Variants in FBH1 observed in about 807,000 individuals in gnomAD.
FBH1 encodes the protein F-box DNA helicase 1.
Under a neutral mutation model 115.5 loss-of-function variants are expected in FBH1, and 43 were observed. That is an observed-to-expected ratio of 0.37 (90% CI 0.29 to 0.48). The LOEUF (loss-of-function observed/expected upper bound fraction) is 0.48, where lower values mean the gene tolerates loss of function less well. FBH1 is among the 20% of genes least tolerant of loss of function. The pLI, the probability that FBH1 is intolerant of heterozygous loss-of-function variation, is 0.99. For synonymous variants in FBH1, 524 were observed against 507.8 expected, an observed-to-expected ratio of 1.03 and a Z score of -0.43; for missense variants, 1,001 against 1,337.3, an observed-to-expected ratio of 0.75 and a Z score of 3.92.
rs1280495362 is a variant in FBH1 at position 5,897,546 on chromosome 10, G to A, written c.2-5474G>A. ...TATATCCAATAAGTCCAAGGGGTGG[G>A]GAATCCAATAAAAGTGTTAATAAAA... On this transcript the variant is annotated intron_variant, in intron 1 of 20. Coordinates refer to ENST00000362091, the MANE Select transcript of FBH1 (RefSeq NM_178150.3). The surrounding 1 kb of genome is among the most constrained non-coding windows in gnomAD (Gnocchi z 4.7). 6.6e-6 allele frequency among the ~76,000 whole-genome samples: 1 copy of A among 152,068 alleles called. No individual in the cohort carries two copies. The highest frequency in any genetic ancestry group is 1.5e-5 in the Non-Finnish European group (1 of 68,004).
intron 18 of FBH1, among the ~76,000 whole-genome samples, chr10:5,926,340 C>A (rs188162961): frequency 5.3e-5 from 8 of 152,138 alleles, no homozygotes; most frequent in Non-Finnish European, 1.2e-4. Flanking sequence ...TCTCGAACTC[C>A]TGACTTCAGG....
In FBH1 at chr10:5,923,765, G is replaced by A; in HGVS notation, c.2398+69G>A. Reference sequence around the variant, plus strand: ...AGTGACAGGGACGAGAAAGAAGCAGGCCCAGTCTGAGTCAGGGACCCGTTT... The same window carrying A: ...AGTGACAGGGACGAGAAAGAAGCAGACCCAGTCTGAGTCAGGGACCCGTTT... On this transcript the variant is annotated intron_variant, in intron 16 of 20. Transcript: ENST00000362091. This position sits in a 1 kb window ranked among gnomAD's most constrained non-coding sequence, Gnocchi z 5.7. 2.8e-6 allele frequency: 4 copies of A among 1,432,668 alleles called. No individual in the cohort carries two copies. The highest frequency in any genetic ancestry group is 9.8e-7 in the Non-Finnish European group (1 of 1,024,590). 88.7% of individuals were successfully genotyped at this position (1,432,668 alleles called of 1,614,324 possible). A position where few individuals can be genotyped will look rare whatever the true frequency, so the allele number is the denominator to read the frequency against.
chr10:5,919,892 T>C (rs914819891), intron 13 of FBH1, among the ~76,000 whole-genome samples: 6 of 152,264 alleles, frequency 3.9e-5, no homozygotes, highest in African/African-American at 1.4e-4. Context: ...CCATATATCC[T>C]GTACTCAGTT....
At chr10:5,899,327 T>TTA (rs1282484068) in intron 1 of FBH1, among the ~76,000 whole-genome samples, 1 of 152,328 alleles carries the variant, frequency 6.6e-6, no homozygotes, top group African/African-American at 2.4e-5. Flanking sequence ...TTGTTTTGTT[T>TTA]TGTTTTTTTC....
rs1190894053 is a variant in FBH1, at chr10:5,906,505, T to A, written c.626T>A (p.Leu209Gln). ...GGGACCTTGCCCTGCCAGGAAGCACTGAGCCACATTTGCAGCCTGCCTAGT... is the reference window on the plus strand; with the variant it reads ...GGGACCTTGCCCTGCCAGGAAGCACAGAGCCACATTTGCAGCCTGCCTAGT... ...LLGTLPCQEALSHICSLPSEV... is the reference protein window; with the variant it reads ...LLGTLPCQEAQSHICSLPSEV... Residue 209 changes from leucine (L) to glutamine (Q), a missense_variant, in exon 3 of 21, where the codon CTG becomes CAG. Leu to Gln is a moderately radical substitution (Grantham distance 113). Coordinates refer to ENST00000362091, the MANE Select transcript of FBH1 (RefSeq NM_178150.3). The surrounding 1 kb of genome is among the most constrained non-coding windows in gnomAD (Gnocchi z 7.3). 1.2e-6 allele frequency: 2 copies of A among 1,614,144 alleles called. No individual in the cohort carries two copies. The highest frequency in any genetic ancestry group is 3.3e-5 in the Admixed American group (2 of 60,018).
At chr10:5,894,857 C>G (rs1842920333) in intron 1 of FBH1, among the ~76,000 whole-genome samples, 1 of 152,176 alleles carries the variant, frequency 6.6e-6, no homozygotes, top group Admixed American at 6.5e-5. Flanking sequence ...ATATGTAATA[C>G]AGTGCAATTA....
chr10:5,936,742 G>C lies in FBH1; in HGVS notation c.2961+155G>C. ...GAGAGGCACAAGAGGTGTGTGGTCT[G>C]TCCCAGGGTCAGAGGTCAGGGCACG... On this transcript the variant is annotated intron_variant, in intron 20 of 20. Transcript: ENST00000362091. This position sits in a 1 kb window ranked among gnomAD's most constrained non-coding sequence, Gnocchi z 5.6. The C allele has an allele frequency of 1.0e-6, 1 of 998,542 alleles. No individual in the cohort carries two copies. Among genetic ancestry groups the C allele is most frequent in the Non-Finnish European group, 1.5e-6 (1 of 687,040 alleles). The allele number at this position is 998,542 out of a possible 1,614,324, so 61.9% of individuals were successfully genotyped here.
rs766395662 is a variant in FBH1, at chr10:5,915,420, A to G, written c.1414A>G (p.Thr472Ala). The change falls in exon 9 of 21, where the codon ACG (threonine) becomes GCG (alanine). Residue 472 changes from threonine (T) to alanine (A), a missense_variant. Coordinates refer to ENST00000362091, the MANE Select transcript of FBH1 (RefSeq NM_178150.3). The surrounding 1 kb of genome is among the most constrained non-coding windows in gnomAD (Gnocchi z 5.2). ...TTCCCCAGGCACTGGGAAGACCTCA[A>G]CGCTGGTCAAGTATGCAGAGAAGTG... is the stretch of plus-strand genomic sequence containing the variant. ...MAFAGTGKTS[T>A]LVKYAEKWSQ... 3 of 1,614,084 alleles carry G rather than the reference A, an allele frequency of 1.9e-6. No individual in the cohort carries two copies. Among genetic ancestry groups the G allele is most frequent in the Admixed American group, 1.7e-5 (1 of 60,010 alleles).
Position 5,906,393 on chromosome 10 carries a change from C to A in FBH1, c.514C>A (p.Arg172=), listed in dbSNP as rs143001244. 1 of 1,613,950 alleles carries A rather than the reference C, an allele frequency of 6.2e-7. No individual in the cohort carries two copies. Among genetic ancestry groups the A allele is most frequent in the South Asian group, 1.1e-5 (1 of 91,086 alleles). Reference sequence around the variant, plus strand: ...GCAAGAAGCAGAGGACAGTACGTCTCGGCTCTCTGCGGAGTCTGGTGAAAC... The same window carrying A: ...GCAAGAAGCAGAGGACAGTACGTCTAGGCTCTCTGCGGAGTCTGGTGAAAC... ...ARQEAEDSTS[R]LSAESGETDQ... is the part of the protein sequence containing the mutation. Residue 172 remains arginine, a synonymous_variant, in exon 3 of 21, where the codon CGG becomes AGG. Coordinates refer to ENST00000362091, the MANE Select transcript of FBH1 (RefSeq NM_178150.3). This position sits in a 1 kb window ranked among gnomAD's most constrained non-coding sequence, Gnocchi z 7.3.
Position 5,913,331 on chromosome 10 carries a change from C to T in FBH1, c.1212-416C>T, listed in dbSNP as rs571150657. Among the ~76,000 whole-genome samples, 186 of 140,324 alleles carry T rather than the reference C, an allele frequency of 1.3e-3. 1 individual carries two copies. Among genetic ancestry groups the T allele is most frequent in the Non-Finnish European group, 2.3e-3 (144 of 63,700 alleles). The allele number at this position is 140,324 out of a possible 152,430, so 92.1% of individuals were successfully genotyped here. On this transcript the variant is annotated intron_variant, in intron 6 of 20. Coordinates refer to ENST00000362091, the MANE Select transcript of FBH1 (RefSeq NM_178150.3). This position sits in a 1 kb window ranked among gnomAD's most constrained non-coding sequence, Gnocchi z 4.4. ...CATAAGAGGTAGACAGTGGAGCGAC[C>T]GAGGCTCAGAAAGAGGCTGGTGTTT...
chr10:5,890,425 C>T (rs1355954985), intron 1 of FBH1, 79 bp downstream of exon 1: 2 of 343,652 alleles, frequency 5.8e-6, no homozygotes, highest in East Asian at 4.5e-5. Flanking sequence ...GGGTCCTGCG[C>T]GGGGGGTCCG....
intron 1 of FBH1, among the ~76,000 whole-genome samples, chr10:5,899,065 G>A (rs1843178081): frequency 6.6e-6 from 1 of 152,144 alleles, no homozygotes; most frequent in Non-Finnish European, 1.5e-5. Flanking sequence ...ATACAAATCT[G>A]CCAGCCTCTG....
rs759017659 is a variant in FBH1 at position 5,924,185 on chromosome 10, C to T, written c.2399-126C>T. The T allele has an allele frequency of 9.3e-6, 8 of 861,946 alleles. No individual in the cohort carries two copies. Among genetic ancestry groups the T allele is most frequent in the Non-Finnish European group, 1.5e-5 (8 of 549,654 alleles). 53.4% of individuals were successfully genotyped at this position (861,946 alleles called of 1,614,324 possible). A position where few individuals can be genotyped will look rare whatever the true frequency, so the allele number is the denominator to read the frequency against. ...CAGCGAGTTAGTGATGCAGTCAGGC[C>T]TGGAACCCGGGTCTCCCCACTTTAA... On this transcript the variant is annotated intron_variant, in intron 16 of 20. Coordinates refer to ENST00000362091, the MANE Select transcript of FBH1 (RefSeq NM_178150.3). The surrounding 1 kb of genome is among the most constrained non-coding windows in gnomAD (Gnocchi z 6.2).
Position 5,927,347 on chromosome 10 carries a change from G to T in FBH1, c.2723-88G>T. 2.8e-5 allele frequency: 25 copies of T among 899,470 alleles called. No individual in the cohort carries two copies. In the South Asian group the frequency reaches 3.3e-4, roughly 12 times the overall value. The allele number at this position is 899,470 out of a possible 1,614,324, so 55.7% of individuals were successfully genotyped here. A position where few individuals can be genotyped will look rare whatever the true frequency, so the allele number is the denominator to read the frequency against. On this transcript the variant is annotated intron_variant, in intron 18 of 20. Transcript: ENST00000362091. Reference sequence around the variant, plus strand: ...GTGGTTTTCTGCGGGGAATGGGTGGGGGCTAGTAAACATTTAGATGAGACA... The same window carrying T: ...GTGGTTTTCTGCGGGGAATGGGTGGTGGCTAGTAAACATTTAGATGAGACA...
chr10:5,913,062 C>G lies in FBH1; in HGVS notation c.1212-685C>G, dbSNP rs532696346. 6.6e-6 allele frequency among the ~76,000 whole-genome samples: 1 copy of G among 152,262 alleles called. No homozygotes were observed. Among genetic ancestry groups the G allele is most frequent in the East Asian group, 1.9e-4 (1 of 5,172 alleles). ...GAGCGAGTCCAAGCTCACCCCCGGT[C>G]TCCCCCACAGTCCAGGGGAGACTTG... is the stretch of plus-strand genomic sequence containing the variant. On this transcript the variant is annotated intron_variant, in intron 6 of 20. Transcript: ENST00000362091. The surrounding 1 kb of genome is among the most constrained non-coding windows in gnomAD (Gnocchi z 4.4).
intron 1 of FBH1, among the ~76,000 whole-genome samples, chr10:5,898,635 C>T (rs1332430123): frequency 6.6e-6 from 1 of 152,128 alleles, no homozygotes; most frequent in Non-Finnish European, 1.5e-5. Context: ...GTCTTGAACT[C>T]TAGACCTCAA....
intron 18 of FBH1, 39 bp from the exon 19 acceptor site, chr10:5,927,396 G>C: frequency 6.8e-7 from 1 of 1,479,648 alleles, no homozygotes; most frequent in Non-Finnish European, 9.3e-7. Flanking sequence ...GCTTTTCTAA[G>C]GCTTTTTAGT....
Position 5,923,813 on chromosome 10 carries a change from G to C in FBH1, c.2398+117G>C. Reference sequence around the variant, plus strand: ...TTTCCCTCCAGAGAAGGGCGAGCTAGTGTTGCTGTCTTCCCATGACGAGGG... The same window carrying C: ...TTTCCCTCCAGAGAAGGGCGAGCTACTGTTGCTGTCTTCCCATGACGAGGG... On this transcript the variant is annotated intron_variant, in intron 16 of 20. Transcript: ENST00000362091. This position sits in a 1 kb window ranked among gnomAD's most constrained non-coding sequence, Gnocchi z 5.7. 1 of 926,516 alleles carries C rather than the reference G, an allele frequency of 1.1e-6. No homozygotes were observed. The highest frequency in any genetic ancestry group is 1.7e-6 in the Non-Finnish European group (1 of 601,564). 57.4% of individuals were successfully genotyped at this position (926,516 alleles called of 1,614,324 possible).
rs954519156 is a variant in FBH1, at chr10:5,902,927, A to G, written c.2-93A>G. The G allele has an allele frequency of 3.9e-5, 49 of 1,243,998 alleles. 3 individuals carry two copies. The South Asian group carries it at 8.4e-4, about 21-fold the overall frequency. The allele number at this position is 1,243,998 out of a possible 1,614,324, so 77.1% of individuals were successfully genotyped here. ...GGGGTGTTGACAAAATCGTGTCACT[A>G]TGCAGAAACTTGAGTATAATGTGCT... is the stretch of plus-strand genomic sequence containing the variant. On this transcript the variant is annotated intron_variant, in intron 1 of 20. Transcript: ENST00000362091.
Sources: allele counts gnomAD v4.1 joint callset (sites outside exome capture counted in the v4.1 genomes callset), GRCh38; gene constraint gnomAD v4.1.1; non-coding constraint Gnocchi (gnomAD v3.1); transcripts MANE v1.5; gene names NCBI Gene and HGNC (gene_info 2026-07-23, HGNC 2026-07-21).